CTNNA2: variants seen among roughly 807,000 people sequenced by gnomAD.
CTNNA2 encodes catenin alpha 2, also known as catenin alpha-2.
CTNNA2 carries 42 observed loss-of-function variants against 101.0 expected under a neutral mutation model. The observed-to-expected ratio is 0.42, with a 90% CI of 0.32 to 0.54. The LOEUF (loss-of-function observed/expected upper bound fraction) is 0.54. CTNNA2 is among the 20% of genes least tolerant of loss of function. The probability of loss-of-function intolerance (pLI) is 0.14; values close to 1 mark genes in which losing one functional copy is unlikely to be tolerated. For synonymous variants in CTNNA2, 450 were observed against 456.4 expected (o/e 0.99, Z 0.18); for missense variants, 871 against 1,223.1 (o/e 0.71, Z 4.29).
intron 2 of CTNNA2, among the ~76,000 whole-genome samples, chr2:79,658,584 T>C (rs1364373572): frequency 6.6e-6 from 1 of 152,076 alleles, no homozygotes; most frequent in Non-Finnish European, 1.5e-5. Flanking sequence ...ACCTGTGAAG[T>C]TATTGAGAGT....
At chr2:80,318,925 A>C (rs909302261) in intron 7 of CTNNA2, among the ~76,000 whole-genome samples, 12 of 152,318 alleles carry the variant, frequency 7.9e-5, no homozygotes, top group African/African-American at 2.4e-4. Context: ...CAGTATCAGA[A>C]TGATCCTAGA....
At chr2:80,149,026 T>TA (rs1250881883) in intron 7 of CTNNA2, among the ~76,000 whole-genome samples, 26 of 114,050 alleles carry the variant, frequency 2.3e-4, no homozygotes, top group Non-Finnish European at 3.1e-4. Context: ...TTTTGTTATT[T>TA]TTTTTTTTTT....
chr2:79,942,706 C>T (rs536399382), intron 7 of CTNNA2, among the ~76,000 whole-genome samples: 69 of 152,272 alleles, frequency 4.5e-4, no homozygotes, highest in African/African-American at 1.6e-3. Context: ...GCCATATCCC[C>T]AGTAAGTGGT....
rs115702646 is a variant in CTNNA2 at position 79,726,673 on chromosome 2, G to A, written c.103-17714G>A. ...AGGTTAGGGACCGCTGGTGTAATGG[G>A]AGAATAATAATGTACACTTTACAGA... is the stretch of plus-strand genomic sequence containing the variant. On this transcript the variant is annotated intron_variant, in intron 2 of 18. Transcript: ENST00000402739. 7.3e-3 allele frequency among the ~76,000 whole-genome samples: 1,105 copies of A among 152,264 alleles called. 15 individuals carry two copies. Among genetic ancestry groups the A allele is most frequent in the African/African-American group, 0.026 (1,061 of 41,540 alleles).
At position 80,249,360 on chromosome 2, in the gene CTNNA2, C is replaced by CCT. The variant is rs564854590; in HGVS notation, c.1057-143849_1057-143848dup. Among the ~76,000 whole-genome samples the CCT allele has an allele frequency of 2.6e-4, 40 of 152,252 alleles. No individual in the cohort carries two copies. In the East Asian group the frequency reaches 7.5e-3, roughly 29 times the overall value. On this transcript the variant is annotated intron_variant, in intron 7 of 18. Coordinates refer to ENST00000402739, the MANE Select transcript of CTNNA2 (RefSeq NM_001282597.3). Reference sequence around the variant, plus strand: ...GATAGTTGGAGAGCCAGGATTCAGGCCTCCTTACTTCCCTTCCAAGCTTTG... The same window carrying CCT: ...GATAGTTGGAGAGCCAGGATTCAGGCCTCTCCTTACTTCCCTTCCAAGCTTTG...
In CTNNA2 at chr2:79,874,349, A is replaced by T; in HGVS notation, c.852+7A>T. 6.2e-7 allele frequency: 1 copy of T among 1,613,250 alleles called. No homozygotes were observed. Among genetic ancestry groups the T allele is most frequent in the South Asian group, 1.1e-5 (1 of 91,038 alleles). On this transcript the variant is annotated splice_region_variant and intron_variant, in intron 6 of 18. Coordinates refer to ENST00000402739, the MANE Select transcript of CTNNA2 (RefSeq NM_001282597.3). ...GGCTCTTAATGAGTTTGACGTAAGC[A>T]TCCTGGTGAGGTACACAGAGGGGTG... is the stretch of plus-strand genomic sequence containing the variant.
At position 80,512,738 on chromosome 2, in the gene CTNNA2, G is replaced by A. The variant is rs56188522; in HGVS notation, c.1291-32244G>A. Reference sequence around the variant, plus strand: ...ACTACATTTGTTCACCTATGTCAGTGTTTTTTAGTATTTTTTTCATCACTG... The same window carrying A: ...ACTACATTTGTTCACCTATGTCAGTATTTTTTAGTATTTTTTTCATCACTG... On this transcript the variant is annotated intron_variant, in intron 9 of 18. Transcript: ENST00000402739. 7.7e-3 allele frequency among the ~76,000 whole-genome samples: 1,175 copies of A among 151,666 alleles called. 5 individuals are homozygous for A. Among genetic ancestry groups the A allele is most frequent in the Non-Finnish European group, 0.012 (806 of 67,864 alleles).
intron 7 of CTNNA2, among the ~76,000 whole-genome samples, chr2:80,248,706 G>A (rs1475342041): frequency 2.0e-5 from 3 of 152,146 alleles, no homozygotes; most frequent in Non-Finnish European, 4.4e-5. Context: ...GGTGCTGGCT[G>A]TAATTGGCTG....
At chr2:79,837,227 A>C (rs1449988197) in intron 3 of CTNNA2, among the ~76,000 whole-genome samples, 2 of 152,184 alleles carry the variant, frequency 1.3e-5, no homozygotes, top group Non-Finnish European at 2.9e-5. Context: ...CTGAGTTCCA[A>C]AACTGAAGAA....
intron 7 of CTNNA2, among the ~76,000 whole-genome samples, chr2:80,043,258 C>T (rs542218463): frequency 2.1e-5 from 3 of 144,776 alleles, no homozygotes; most frequent in South Asian, 2.3e-4. Context: ...AGTGCAGTCA[C>T]GCGATCTTGG....
chr2:79,925,207 G>T (rs565339064), intron 7 of CTNNA2, among the ~76,000 whole-genome samples: 1 of 151,944 alleles, frequency 6.6e-6, no homozygotes, highest in Non-Finnish European at 1.5e-5. Context: ...TACGATTGCT[G>T]TTTTTTCCTC....
At chr2:79,218,089 A>G (rs1175482921) in intron 2 of CTNNA2, among the ~76,000 whole-genome samples, 2 of 152,224 alleles carry the variant, frequency 1.3e-5, no homozygotes, top group East Asian at 3.8e-4. Flanking sequence ...CCTCCATTTT[A>G]GAAATAAAAA....
intron 9 of CTNNA2, among the ~76,000 whole-genome samples, chr2:80,534,740 G>A (rs149821104): frequency 9.9e-5 from 15 of 152,262 alleles, no homozygotes; most frequent in African/African-American, 3.4e-4. Flanking sequence ...CTGGAAAATT[G>A]GCAATTCACT....
At chr2:79,592,116 T>A (rs1350867702) in intron 1 of CTNNA2, among the ~76,000 whole-genome samples, 1 of 81,234 alleles carries the variant, frequency 1.2e-5, no homozygotes, top group African/African-American at 5.3e-5. Context: ...GAATTACTTC[T>A]TTTTGCTTTT....
At chr2:80,241,446 A>G (rs1230734185) in intron 7 of CTNNA2, among the ~76,000 whole-genome samples, 1 of 151,942 alleles carries the variant, frequency 6.6e-6, no homozygotes, top group Non-Finnish European at 1.5e-5. Flanking sequence ...TGTTTTATAA[A>G]TTAAGATTCA....
intron 5 of CTNNA2, 134 bp from the exon 6 acceptor site, chr2:79,873,942 G>C: frequency 1.5e-6 from 2 of 1,371,544 alleles, no homozygotes; most frequent in Non-Finnish European, 1.9e-6. Flanking sequence ...ATATGCAAAG[G>C]CCTGGCAGCT....
At chr2:79,994,692 G>C (rs1272068190) in intron 7 of CTNNA2, among the ~76,000 whole-genome samples, 3 of 152,008 alleles carry the variant, frequency 2.0e-5, no homozygotes, top group Non-Finnish European at 4.4e-5. Context: ...ATGAAAAATA[G>C]CTTTAATGAA....
intron 1 of CTNNA2, among the ~76,000 whole-genome samples, chr2:79,562,285 A>G (rs939431801): frequency 6.6e-6 from 1 of 152,004 alleles, no homozygotes; most frequent in Non-Finnish European, 1.5e-5. Context: ...GTCTATCCTT[A>G]TATCATTATT....
intron 4 of CTNNA2, among the ~76,000 whole-genome samples, chr2:79,436,253 G>A (rs919686818): frequency 4.6e-5 from 7 of 151,938 alleles, no homozygotes; most frequent in African/African-American, 1.2e-4. Flanking sequence ...AACAGGAGGA[G>A]GACAAATGGT....
Sources: allele counts gnomAD v4.1 joint callset (sites outside exome capture counted in the v4.1 genomes callset), GRCh38; gene constraint gnomAD v4.1.1; transcripts MANE v1.5; gene names NCBI Gene and HGNC (gene_info 2026-07-23, HGNC 2026-07-21).